TEAD4: variants seen among roughly 807,000 people sequenced by gnomAD.
TEAD4 encodes the protein transcriptional enhancer factor TEF-3.
Under a neutral mutation model 52.4 loss-of-function variants are expected in TEAD4, and 36 were observed. That is an observed-to-expected ratio of 0.69 (90% CI 0.53 to 0.91). The LOEUF is 0.91. Among genes scored for constraint, TEAD4 ranks in the 40% least tolerant of loss-of-function variants. The pLI is 0.00. For synonymous variants in TEAD4, 220 were observed against 231.0 expected, an observed-to-expected ratio of 0.95 and a Z score of 0.43; for missense variants, 508 against 583.9, an observed-to-expected ratio of 0.87 and a Z score of 1.34.
At chr12:3,018,893 G>A (rs1318227894) in intron 7 of TEAD4, among the ~76,000 whole-genome samples, 6 of 152,226 alleles carry the variant, frequency 3.9e-5, no homozygotes, top group South Asian at 2.1e-4. Context: ...GGCCTGGGAG[G>A]AGGAGAGGGA....
intron 3 of TEAD4, among the ~76,000 whole-genome samples, chr12:3,003,753 C>T (rs1261722394): frequency 6.6e-6 from 1 of 152,158 alleles, no homozygotes; most frequent in Non-Finnish European, 1.5e-5. Context: ...CCCACCCAGG[C>T]CGGCCCTGGG....
At chr12:3,028,678 T>C (rs752358338) in intron 10 of TEAD4, among the ~76,000 whole-genome samples, 1 of 152,164 alleles carries the variant, frequency 6.6e-6, no homozygotes, top group Non-Finnish European at 1.5e-5. Flanking sequence ...TCACCTAGGC[T>C]GGAGTACAGC....
chr12:3,029,233 A>T (rs1434183595), intron 10 of TEAD4, among the ~76,000 whole-genome samples: 5 of 109,614 alleles, frequency 4.6e-5, no homozygotes, highest in Admixed American at 2.5e-4. Flanking sequence ...CGCCTGGCCA[A>T]TTTTTTTTTT....
At chr12:2,987,416 GTTT>G (rs1565530541) in intron 2 of TEAD4, among the ~76,000 whole-genome samples, 1 of 150,040 alleles carries the variant, frequency 6.7e-6, no homozygotes, top group Non-Finnish European at 1.5e-5. Context: ...TGTTTTTTTT[GTTT>G]GTTTTGTTTT....
chr12:3,003,047 G>C (rs903964882), intron 3 of TEAD4, among the ~76,000 whole-genome samples: 2 of 152,152 alleles, frequency 1.3e-5, no homozygotes, highest in Admixed American at 6.5e-5. Flanking sequence ...CACACACCCT[G>C]GCCCCCGCTT....
intron 2 of TEAD4, among the ~76,000 whole-genome samples, chr12:2,964,152 C>T (rs1036638021): frequency 3.9e-5 from 6 of 152,198 alleles, no homozygotes; most frequent in African/African-American, 9.7e-5. Flanking sequence ...GCTAGAGCTC[C>T]GTGCCGGTTC....
At chr12:2,981,655 G>A (rs1351507337) in intron 2 of TEAD4, among the ~76,000 whole-genome samples, 3 of 152,158 alleles carry the variant, frequency 2.0e-5, no homozygotes, top group African/African-American at 7.2e-5. Context: ...CCAAGAACAG[G>A]TACTTCAAGT....
intron 10 of TEAD4, among the ~76,000 whole-genome samples, chr12:3,037,579 G>A (rs771386954): frequency 1.3e-5 from 2 of 152,186 alleles, no homozygotes; most frequent in Non-Finnish European, 2.9e-5. Flanking sequence ...TCTGATAGAC[G>A]CATTCAAACT....
chr12:3,005,690 G>A (rs1342727004), intron 3 of TEAD4, among the ~76,000 whole-genome samples: 3 of 152,030 alleles, frequency 2.0e-5, no homozygotes, highest in Non-Finnish European at 4.4e-5. Context: ...TAGTAGAGAC[G>A]GGGTTTCATT....
Position 2,994,652 on chromosome 12 carries a change from G to C in TEAD4, c.-29-86G>C, listed in dbSNP as rs1274050682. On this transcript the variant is annotated intron_variant, in intron 2 of 12. Coordinates refer to ENST00000359864, the MANE Select transcript of TEAD4 (RefSeq NM_003213.4). The surrounding 1 kb of genome is among the most constrained non-coding windows in gnomAD (Gnocchi z 4.7). ...TTTGCTTCCTGAGCAACTGATTCGG[G>C]CTCTGGCACTCCCCGGAGTGCCTTC... is the stretch of plus-strand genomic sequence containing the variant. 2.8e-6 allele frequency: 4 copies of C among 1,443,476 alleles called. No homozygotes were observed. The East Asian group carries it at 9.9e-5, about 36-fold the overall frequency. The allele number at this position is 1,443,476 out of a possible 1,614,324, so 89.4% of individuals were successfully genotyped here.
At chr12:3,022,999 G>C (rs11062463) in intron 10 of TEAD4, among the ~76,000 whole-genome samples, 95,991 of 152,070 alleles carry the variant, frequency 0.63, 34,269 homozygotes, top group East Asian at 0.93. Context: ...TCACACCGAA[G>C]TTTATATAGA....
chr12:3,037,990 A>C lies in TEAD4; in HGVS notation c.920A>C (p.Glu307Ala). Residue 307 changes from glutamate to alanine, a missense_variant, in exon 11 of 13, where the codon GAG (glutamate) becomes GCG (alanine). Coordinates refer to ENST00000359864, the MANE Select transcript of TEAD4 (RefSeq NM_003213.4). The stretch of plus-strand genomic sequence containing the variant: ...CAGGCAGACCTCAACACCAACATCG[A>C]GGATGAAGGCAGCTCCTTCTATGGG... The C allele has an allele frequency of 1.2e-6, 2 of 1,613,756 alleles. No homozygotes were observed. The highest frequency in any genetic ancestry group is 1.7e-6 in the Non-Finnish European group (2 of 1,179,784).
chr12:2,980,428 T>C (rs1452700231), intron 2 of TEAD4, among the ~76,000 whole-genome samples: 2 of 152,114 alleles, frequency 1.3e-5, no homozygotes, highest in Non-Finnish European at 2.9e-5. Context: ...CTTCCTATTG[T>C]CAACAGAAGT....
At chr12:2,963,512 G>A (rs1032879243) in intron 2 of TEAD4, among the ~76,000 whole-genome samples, 6 of 152,220 alleles carry the variant, frequency 3.9e-5, no homozygotes, top group Non-Finnish European at 7.3e-5. Context: ...TCCAGTAAAG[G>A]GGGGTGAGGG....
intron 4 of TEAD4, among the ~76,000 whole-genome samples, chr12:3,011,965 C>T (rs190227674): frequency 1.9e-4 from 29 of 152,334 alleles, no homozygotes; most frequent in African/African-American, 6.0e-4. Context: ...TGCTCCCTGC[C>T]GGCACTGCAC....
At chr12:3,012,826 G>A (rs1056431450) in intron 5 of TEAD4, among the ~76,000 whole-genome samples, 9 of 152,352 alleles carry the variant, frequency 5.9e-5, no homozygotes, top group African/African-American at 1.9e-4. Context: ...GGAACCAGGG[G>A]CCTTTGGGTG....
chr12:3,011,127 C>G, intron 4 of TEAD4, 59 bp downstream of exon 4: 35 of 1,591,592 alleles, frequency 2.2e-5, no homozygotes, highest in Non-Finnish European at 2.9e-5. Context: ...CAGTCTGCTC[C>G]CAAGGTGGGC....
At chr12:2,975,197 A>G (rs2098228555) in intron 2 of TEAD4, among the ~76,000 whole-genome samples, 1 of 148,326 alleles carries the variant, frequency 6.7e-6, no homozygotes, top group South Asian at 2.1e-4. Context: ...AAAAGACTAT[A>G]ATTTTGAGTA....
At chr12:3,040,323 C>G in intron 12 of TEAD4, 42 bp from the exon 13 acceptor site, 1 of 1,613,968 alleles carries the variant, frequency 6.2e-7, no homozygotes, top group Non-Finnish European at 8.5e-7. Flanking sequence ...TGGCATGCCC[C>G]TTCTGGGGCC....
Sources: allele counts gnomAD v4.1 joint callset (sites outside exome capture counted in the v4.1 genomes callset), GRCh38; gene constraint gnomAD v4.1.1; non-coding constraint Gnocchi (gnomAD v3.1); transcripts MANE v1.5; gene names NCBI Gene and HGNC (gene_info 2026-07-23, HGNC 2026-07-21).